GDAP1: variants seen among roughly 807,000 people sequenced by gnomAD.
GDAP1 encodes the protein ganglioside induced differentiation associated protein 1, also known as ganglioside-induced differentiation-associated protein 1.
GDAP1 carries 34 observed loss-of-function variants against 40.1 expected under a neutral mutation model. The observed-to-expected ratio is 0.85, with a 90% CI of 0.64 to 1.13. The LOEUF (loss-of-function observed/expected upper bound fraction) is 1.13. Among genes scored for constraint, GDAP1 ranks in the 50% most tolerant of loss-of-function variants. GDAP1 has a pLI of 0.00. For synonymous variants in GDAP1, 170 were observed against 157.4 expected (o/e 1.08, Z -0.60); for missense variants, 374 against 433.7 (o/e 0.86, Z 1.22).
Position 74,360,118 on chromosome 8 carries a change from T to TTG in GDAP1, c.311-9_311-8dup. 4 of 1,587,374 alleles carry TTG rather than the reference T, an allele frequency of 2.5e-6. No homozygotes were observed. The highest frequency in any genetic ancestry group is 3.5e-6 in the Non-Finnish European group (4 of 1,155,752). ...TCATGTGTAACTTTTTCTTCAATAT[T>TTG]TGTGTGTGTGTATTTTAGAAAGAAC... On this transcript the variant is annotated intron_variant, in intron 2 of 5. Coordinates refer to ENST00000220822, the MANE Select transcript of GDAP1 (RefSeq NM_018972.4).
chr8:74,411,234 C>T (rs917895376), intron 2 of GDAP1, among the ~76,000 whole-genome samples: 2 of 149,946 alleles, frequency 1.3e-5, no homozygotes, highest in Non-Finnish European at 2.9e-5. Context: ...CAGGTAGTAC[C>T]TTTATAGCAG....
intron 2 of GDAP1, among the ~76,000 whole-genome samples, chr8:74,429,056 A>C (rs978185137): frequency 2.6e-5 from 4 of 151,860 alleles, no homozygotes; most frequent in Admixed American, 2.0e-4. Flanking sequence ...ATCATTTTTT[A>C]TGGCTGCATA....
intron 2 of GDAP1, among the ~76,000 whole-genome samples, chr8:74,427,769 A>C (rs1260034762): frequency 2.0e-5 from 3 of 152,318 alleles, no homozygotes; most frequent in South Asian, 4.2e-4. Flanking sequence ...ATAGTAAGAA[A>C]CTGGGTGGAA....
At chr8:74,425,218 C>T (rs1392711856) in intron 2 of GDAP1, among the ~76,000 whole-genome samples, 1 of 152,210 alleles carries the variant, frequency 6.6e-6, no homozygotes, top group Admixed American at 6.5e-5. Context: ...CTTGTTTGCC[C>T]TTGGGCTCTG....
chr8:74,408,647 T>C (rs764457836), intron 2 of GDAP1, among the ~76,000 whole-genome samples: 1 of 150,056 alleles, frequency 6.7e-6, no homozygotes, highest in South Asian at 2.1e-4. Flanking sequence ...ATTTCTGTTG[T>C]TTATAAGCGA....
chr8:74,375,385 G>A (rs1809835838), intron 2 of GDAP1, among the ~76,000 whole-genome samples: 1 of 151,912 alleles, frequency 6.6e-6, no homozygotes, highest in African/African-American at 2.4e-5. Context: ...CCTCAATAAA[G>A]TGTAGGCAAA....
chr8:74,353,816 C>G (rs1158025286), intron 2 of GDAP1, among the ~76,000 whole-genome samples: 1 of 152,164 alleles, frequency 6.6e-6, no homozygotes, highest in Admixed American at 6.5e-5. Context: ...TAAGTAAGCA[C>G]TGGTGTAAAT....
chr8:74,384,750 G>T (rs1460697867), intron 2 of GDAP1, among the ~76,000 whole-genome samples: 1 of 152,064 alleles, frequency 6.6e-6, no homozygotes, highest in Non-Finnish European at 1.5e-5. Flanking sequence ...GATCTCTGTC[G>T]CCAACGAAAT....
Position 74,362,983 on chromosome 8 carries a change from T to G in GDAP1, c.624T>G (p.Ile208Met), listed in dbSNP as rs1369460086. The change falls in exon 5 of 6, where the codon ATT becomes ATG. Residue 208 changes from isoleucine to methionine, a missense_variant. Coordinates refer to ENST00000220822, the MANE Select transcript of GDAP1 (RefSeq NM_018972.4). ...DHDNVKYLKK[I>M]LDELEKVLDQ... The stretch of plus-strand genomic sequence containing the variant: ...ACAATGTCAAGTATTTGAAGAAAAT[T>G]CTTGATGAGTTGGAGAAAGTCTTGG... 6.3e-7 allele frequency: 1 copy of G among 1,593,052 alleles called. No homozygotes were observed. The highest frequency in any genetic ancestry group is 8.6e-7 in the Non-Finnish European group (1 of 1,160,968).
intron 2 of GDAP1, among the ~76,000 whole-genome samples, chr8:74,408,314 T>C (rs1294099495): frequency 1.3e-5 from 2 of 150,262 alleles, no homozygotes; most frequent in Admixed American, 6.6e-5. Flanking sequence ...TCTCCCAGGG[T>C]ATCTCCAAGT....
At chr8:74,447,918 C>G (rs1351594693) in intron 2 of GDAP1, among the ~76,000 whole-genome samples, 1 of 152,150 alleles carries the variant, frequency 6.6e-6, no homozygotes, top group East Asian at 1.9e-4. Flanking sequence ...CAAGGTATTT[C>G]ATCGTGTATA....
intron 2 of GDAP1, among the ~76,000 whole-genome samples, chr8:74,450,927 T>A (rs1180683772): frequency 2.5e-5 from 2 of 81,480 alleles, no homozygotes; most frequent in Non-Finnish European, 4.9e-5. Context: ...TATTTAAAAA[T>A]ATCTATCTAT....
chr8:74,426,813 G>C (rs1201050055), intron 2 of GDAP1, among the ~76,000 whole-genome samples: 1 of 151,816 alleles, frequency 6.6e-6, no homozygotes, highest in African/African-American at 2.4e-5. Flanking sequence ...TTTTCATGTT[G>C]GTTACATAGG....
Position 74,401,580 on chromosome 8 carries a change from G to C in GDAP1, c.165+50259G>C, listed in dbSNP as rs555841908. Among the ~76,000 whole-genome samples, 27 of 148,722 alleles carry C rather than the reference G, an allele frequency of 1.8e-4. 1 individual carries two copies. The East Asian group carries it at 3.7e-3, about 20-fold the overall frequency. On this transcript the variant is annotated intron_variant, in intron 2 of 2. Coordinates refer to the GDAP1 transcript ENST00000523640. The stretch of plus-strand genomic sequence containing the variant: ...TCAAAGTCATTCTCCGTCCAGCTTT[G>C]TTCCATTGCTGGTGAGGAAATGCGT...
At chr8:74,442,887 A>T (rs922363031) in intron 2 of GDAP1, among the ~76,000 whole-genome samples, 17 of 152,216 alleles carry the variant, frequency 1.1e-4, no homozygotes, top group African/African-American at 4.1e-4. Flanking sequence ...AATAACAGGC[A>T]GTCATAAAAA....
chr8:74,430,825 A>C (rs1201898140), intron 2 of GDAP1, among the ~76,000 whole-genome samples: 1 of 152,084 alleles, frequency 6.6e-6, no homozygotes, highest in African/African-American at 2.4e-5. Flanking sequence ...TGTTTTTAAA[A>C]ATATCTTAAA....
chr8:74,474,781 T>C (rs1440090074), intron 2 of GDAP1, among the ~76,000 whole-genome samples: 2 of 152,176 alleles, frequency 1.3e-5, no homozygotes, highest in Non-Finnish European at 1.5e-5. Flanking sequence ...CCGCCAGGCT[T>C]TTGTAGCAGA....
chr8:74,350,616 G>A, intron 1 of GDAP1, 38 bp downstream of exon 1: 3 of 1,263,144 alleles, frequency 2.4e-6, no homozygotes, highest in Non-Finnish European at 3.5e-6. Context: ...GGCGCGGATC[G>A]GGCTTCAGCA....
chr8:74,442,505 G>T (rs148058659), intron 2 of GDAP1, among the ~76,000 whole-genome samples: 29 of 152,262 alleles, frequency 1.9e-4, no homozygotes, highest in African/African-American at 6.5e-4. Flanking sequence ...TTTACTAACT[G>T]ATTTCTGAAA....
Sources: gnomAD v4.1 joint callset for allele counts (sites outside exome capture counted in the v4.1 genomes callset) on GRCh38, gnomAD v4.1.1 for gene constraint, MANE v1.5 for transcripts, NCBI Gene and HGNC (gene_info 2026-07-23, HGNC 2026-07-21) for gene names.